Variants in SCN1A observed in about 807,000 individuals in gnomAD.
SCN1A encodes sodium channel protein type 1 subunit alpha.
SCN1A carries 13 observed loss-of-function variants against 193.7 expected under a neutral mutation model. That is an observed-to-expected ratio of 0.07 (90% CI 0.04 to 0.11). The LOEUF is 0.11. SCN1A is among the 10% of genes least tolerant of loss of function. SCN1A has a pLI of 1.00. For synonymous variants in SCN1A, 781 were observed against 843.6 expected (o/e 0.93, Z 1.29); for missense variants, 1,432 against 2,451.1 (o/e 0.58, Z 8.78).
intron 1 of SCN1A, among the ~76,000 whole-genome samples, chr2:166,135,889 C>T (rs1691836524): frequency 6.6e-6 from 1 of 152,220 alleles, no homozygotes; most frequent in South Asian, 2.1e-4. Context: ...GTCTTACCCA[C>T]ACCTGAGAAG....
chr2:166,117,727 A>G (rs1051908644), intron 2 of SCN1A, among the ~76,000 whole-genome samples: 4 of 152,130 alleles, frequency 2.6e-5, no homozygotes, highest in Non-Finnish European at 5.9e-5. Flanking sequence ...CCGGGCACGG[A>G]GGTTCATGCC....
chr2:166,112,453 A>T (rs1574552344), intron 2 of SCN1A, among the ~76,000 whole-genome samples: 1 of 152,188 alleles, frequency 6.6e-6, no homozygotes, highest in Admixed American at 6.5e-5. Flanking sequence ...CATAACTTTT[A>T]TATGCACTGG....
chr2:166,088,113 A>G (rs1686348866), intron 2 of SCN1A, among the ~76,000 whole-genome samples: 1 of 151,426 alleles, frequency 6.6e-6, no homozygotes, highest in Admixed American at 6.6e-5. Context: ...CACAATCTTG[A>G]ATTGTCACTA....
At position 166,076,698 on chromosome 2, in the gene SCN1A, T is replaced by A. The variant is rs545660068; in HGVS notation, c.-50+1012A>T. The stretch of plus-strand genomic sequence containing the variant: ...ACTGACAAAAGAATAGATAAGTGGA[T>A]CAATGGAATAGGATAGTGAGTGTGG... On this transcript the variant is annotated intron_variant, in intron 3 of 28. Coordinates refer to ENST00000674923, the MANE Select transcript of SCN1A (RefSeq NM_001165963.4). Among the ~76,000 whole-genome samples, 5 of 151,972 alleles carry A rather than the reference T, an allele frequency of 3.3e-5. No individual in the cohort carries two copies. In the East Asian group the frequency reaches 9.6e-4, roughly 29 times the overall value.
At chr2:166,086,891 A>G (rs968821486) in intron 2 of SCN1A, among the ~76,000 whole-genome samples, 11 of 152,134 alleles carry the variant, frequency 7.2e-5, no homozygotes, top group Admixed American at 5.2e-4. Flanking sequence ...ACAGATTTGT[A>G]TAGAGTGGAC....
At chr2:166,094,047 TCA>T (rs36025454) in intron 2 of SCN1A, among the ~76,000 whole-genome samples, 56,038 of 151,200 alleles carry the variant, frequency 0.37, 10,902 homozygotes, top group African/African-American at 0.49. Context: ...GTCAAATCTT[TCA>T]CACACACACA....
Position 165,991,701 on chromosome 2 carries a change from A to G in SCN1A, c.5574T>C (p.Ser1858=). Residue 1858 remains serine, a synonymous_variant, in exon 29 of 29, where the codon AGT becomes AGC. Coordinates refer to ENST00000674923, the MANE Select transcript of SCN1A (RefSeq NM_001165963.4). The stretch of plus-strand genomic sequence containing the variant: ...TATCAAGACAGTGGATCCGGTCACC[A>G]CTCACCATGGGCAAATCCATGGCAA... ...QLIAMDLPMV[S]GDRIHCLDIL... is the part of the protein sequence containing the mutation. 1.9e-6 allele frequency: 3 copies of G among 1,613,854 alleles called. No homozygotes were observed. Among genetic ancestry groups the G allele is most frequent in the South Asian group, 1.1e-5 (1 of 91,076 alleles).
intron 2 of SCN1A, among the ~76,000 whole-genome samples, chr2:166,113,546 G>GAT (rs1286092018): frequency 2.3e-5 from 3 of 132,438 alleles, no homozygotes; most frequent in African/African-American, 8.4e-5. Context: ...TTGAACAACC[G>GAT]ATATATATAC....
chr2:166,015,226 A>G (rs1693114848), intron 20 of SCN1A, among the ~76,000 whole-genome samples: 1 of 151,884 alleles, frequency 6.6e-6, no homozygotes, highest in Admixed American at 6.6e-5. Flanking sequence ...TTAAAGAAAC[A>G]CAATTTAGCA....
intron 2 of SCN1A, among the ~76,000 whole-genome samples, chr2:166,088,874 T>A (rs2106067558): frequency 6.6e-6 from 1 of 152,224 alleles, no homozygotes; most frequent in Non-Finnish European, 1.5e-5. Flanking sequence ...AGACCCAAGG[T>A]CAGCATTATG....
chr2:166,036,665 T>C, intron 18 of SCN1A, 135 bp from the exon 19 acceptor site: 1 of 822,208 alleles, frequency 1.2e-6, no homozygotes, highest in East Asian at 2.7e-5. Flanking sequence ...CACCACAGCA[T>C]AGTGATTAGA....
chr2:166,035,757 G>A (rs1386710698), intron 19 of SCN1A, among the ~76,000 whole-genome samples: 1 of 152,118 alleles, frequency 6.6e-6, no homozygotes, highest in East Asian at 1.9e-4. Flanking sequence ...ACACTGTACG[G>A]TAAATATTGG....
intron 4 of SCN1A, among the ~76,000 whole-genome samples, chr2:166,068,597 C>A (rs1684089373): frequency 1.3e-5 from 2 of 152,144 alleles, no homozygotes; most frequent in Admixed American, 1.3e-4. Context: ...GCAAGAAAAA[C>A]TCCATAATTC....
chr2:166,102,799 A>G (rs1397575074), intron 2 of SCN1A, among the ~76,000 whole-genome samples: 1 of 152,172 alleles, frequency 6.6e-6, no homozygotes, highest in East Asian at 1.9e-4. Flanking sequence ...CAATCAACCT[A>G]GATGTCCATT....
chr2:166,079,458 A>G (rs372922225), intron 2 of SCN1A, among the ~76,000 whole-genome samples: 86 of 146,330 alleles, frequency 5.9e-4, no homozygotes, highest in African/African-American at 1.5e-3. Flanking sequence ...TTTTCCATCA[A>G]TTCGGTTTCA....
chr2:166,115,385 A>G (rs1689744260), intron 2 of SCN1A, among the ~76,000 whole-genome samples: 1 of 152,104 alleles, frequency 6.6e-6, no homozygotes, highest in African/African-American at 2.4e-5. Context: ...AAAAAAGAAT[A>G]CCTCAAAATG....
rs1019256377 is a variant in SCN1A, at chr2:165,986,585, G to A, written c.*4660C>T. On this transcript the variant is annotated 3_prime_UTR_variant, in exon 29 of 29. Coordinates refer to ENST00000674923, the MANE Select transcript of SCN1A (RefSeq NM_001165963.4). ...AGTAGTTAAAAAACCAGTATATATT[G>A]AATTAATTACCAACAGTAGATCTAA... 1 of 150,696 alleles carries A rather than the reference G, an allele frequency of 6.6e-6. No homozygotes were observed. The highest frequency in any genetic ancestry group is 6.7e-5 in the Admixed American group (1 of 15,032). The allele number at this position is 150,696 out of a possible 1,614,324, so 9.3% of individuals were successfully genotyped here. A position where few individuals can be genotyped will look rare whatever the true frequency, so the allele number is the denominator to read the frequency against.
At chr2:166,077,244 G>C (rs1559292298) in intron 3 of SCN1A, 1 of 151,780 alleles carries the variant, frequency 6.6e-6, no homozygotes, top group Non-Finnish European at 1.5e-5. Context: ...ATTTTGCTCT[G>C]TGAAAGATAC....
chr2:166,115,576 A>G (rs1205555873), intron 2 of SCN1A, among the ~76,000 whole-genome samples: 1 of 152,220 alleles, frequency 6.6e-6, no homozygotes, highest in Non-Finnish European at 1.5e-5. Context: ...GGACTTGCAT[A>G]AGAAATAAAA....
Sources: allele counts gnomAD v4.1 joint callset (sites outside exome capture counted in the v4.1 genomes callset), GRCh38; gene constraint gnomAD v4.1.1; transcripts MANE v1.5; gene names NCBI Gene and HGNC (gene_info 2026-07-23, HGNC 2026-07-21).